The following TENM4 variants were observed in gnomAD, a reference collection of about 807,000 sequenced individuals.
TENM4 encodes the protein teneurin transmembrane protein 4.
In TENM4, 82 loss-of-function variants were observed where a neutral mutation model predicts 243.3. The ratio of observed to expected loss-of-function variants is 0.34; its 90% confidence interval spans 0.28 to 0.40. TENM4 has a LOEUF of 0.40. TENM4 is among the 10% of genes least tolerant of loss of function. The pLI is 1.00. For missense variants in TENM4, 3,138 were observed against 3,673.3 expected (o/e 0.85, Z 3.77); for synonymous variants, 1,412 against 1,456.3 (o/e 0.97, Z 0.69).
At chr11:78,938,829 ATGCAAC>A (rs1158617144) in intron 6 of TENM4, among the ~76,000 whole-genome samples, 2 of 152,162 alleles carry the variant, frequency 1.3e-5, no homozygotes, top group Admixed American at 1.3e-4. Context: ...TGTATACTAA[ATGCAAC>A]TCCAAACAAG....
intron 5 of TENM4, among the ~76,000 whole-genome samples, chr11:79,067,122 G>A (rs930740325): frequency 6.6e-5 from 10 of 152,110 alleles, no homozygotes; most frequent in African/African-American, 2.4e-4. Flanking sequence ...GTTAATGTCC[G>A]CGGACCAGGC....
intron 19 of TENM4, chr11:78,756,280 C>G (rs979483804): frequency 5.9e-6 from 1 of 170,940 alleles, no homozygotes; most frequent in African/African-American, 2.4e-5. Flanking sequence ...GAACTGTGTT[C>G]TGCTCAACTC....
intron 6 of TENM4, among the ~76,000 whole-genome samples, chr11:79,008,747 C>T (rs559146049): frequency 3.9e-5 from 6 of 152,082 alleles, no homozygotes; most frequent in African/African-American, 1.4e-4. Context: ...GGTCCTATTT[C>T]GAATGAGATC....
chr11:79,295,938 C>T (rs892900348), intron 2 of TENM4, among the ~76,000 whole-genome samples: 1 of 151,484 alleles, frequency 6.6e-6, no homozygotes, highest in African/African-American at 2.4e-5. Context: ...CACACTCCCC[C>T]AAAATCCCAT....
chr11:79,408,416 C>T (rs2135567673), intron 1 of TENM4, among the ~76,000 whole-genome samples: 1 of 152,300 alleles, frequency 6.6e-6, no homozygotes, highest in South Asian at 2.1e-4. Context: ...GGGTCGGAAC[C>T]TTGATTTTTC....
chr11:78,795,781 G>C (rs1007295852), intron 15 of TENM4, among the ~76,000 whole-genome samples: 1 of 152,138 alleles, frequency 6.6e-6, no homozygotes, highest in African/African-American at 2.4e-5. Context: ...CACCCACGCT[G>C]TCTCCCTGCC....
chr11:78,851,107 T>A (rs908190575), intron 12 of TENM4, among the ~76,000 whole-genome samples: 6 of 152,190 alleles, frequency 3.9e-5, no homozygotes, highest in Non-Finnish European at 8.8e-5. Flanking sequence ...GAACCATCTG[T>A]AAAGTACTAT....
At chr11:79,204,796 C>T (rs190499676) in intron 3 of TENM4, among the ~76,000 whole-genome samples, 16 of 152,232 alleles carry the variant, frequency 1.1e-4, no homozygotes, top group Non-Finnish European at 1.8e-4. Flanking sequence ...AAAACCTTCA[C>T]GGCAACACGG....
intron 6 of TENM4, among the ~76,000 whole-genome samples, chr11:78,938,492 G>C (rs887898144): frequency 1.1e-4 from 16 of 152,180 alleles, no homozygotes; most frequent in African/African-American, 3.9e-4. Flanking sequence ...ACAAAGTATA[G>C]GCTCCGTGGT....
intron 9 of TENM4, among the ~76,000 whole-genome samples, chr11:78,873,643 T>C (rs1297467098): frequency 6.6e-6 from 1 of 152,210 alleles, no homozygotes; most frequent in East Asian, 1.9e-4. Context: ...GAAACCAACA[T>C]TGCCAATCTC....
chr11:78,956,498 C>A (rs1027553848), intron 6 of TENM4, among the ~76,000 whole-genome samples: 1 of 152,232 alleles, frequency 6.6e-6, no homozygotes, highest in African/African-American at 2.4e-5. Context: ...AGCAGAGCGG[C>A]TAGGCCTTTC....
At chr11:79,404,716 T>C (rs1375309730) in intron 1 of TENM4, among the ~76,000 whole-genome samples, 1 of 152,204 alleles carries the variant, frequency 6.6e-6, no homozygotes, top group Non-Finnish European at 1.5e-5. Flanking sequence ...AGTGTTTATA[T>C]GCACAAATGA....
At chr11:79,323,020 A>C (rs1043877174) in intron 1 of TENM4, among the ~76,000 whole-genome samples, 2 of 152,182 alleles carry the variant, frequency 1.3e-5, no homozygotes, top group Non-Finnish European at 2.9e-5. Context: ...TGGGCCTAAG[A>C]CTCAAAAAGA....
chr11:79,312,358 G>A lies in TENM4; in HGVS notation c.-320-14815C>T, dbSNP rs181873572. Among the ~76,000 whole-genome samples the A allele has an allele frequency of 2.0e-5, 3 of 152,254 alleles. No individual in the cohort carries two copies. In the East Asian group the frequency reaches 5.8e-4, roughly 29 times the overall value. ...GCCTGATTCATAAAAATAATTGCAGGAAAAAACAGGTATATAATGCTTACT... is the reference window on the plus strand; with the variant it reads ...GCCTGATTCATAAAAATAATTGCAGAAAAAAACAGGTATATAATGCTTACT... On this transcript the variant is annotated intron_variant, in intron 1 of 33. Coordinates refer to ENST00000278550, the MANE Select transcript of TENM4 (RefSeq NM_001098816.3).
intron 1 of TENM4, among the ~76,000 whole-genome samples, chr11:79,372,096 T>C (rs1242697176): frequency 6.6e-6 from 1 of 152,164 alleles, no homozygotes; most frequent in Non-Finnish European, 1.5e-5. Flanking sequence ...CTTCATGAGC[T>C]TTTAGAAGGG....
At chr11:79,001,411 G>A (rs1303440423) in intron 6 of TENM4, among the ~76,000 whole-genome samples, 1 of 152,148 alleles carries the variant, frequency 6.6e-6, no homozygotes, top group Non-Finnish European at 1.5e-5. Context: ...CTGGGGAAGG[G>A]TTGGGTTGAA....
intron 1 of TENM4, among the ~76,000 whole-genome samples, chr11:79,330,701 C>A (rs1218567105): frequency 6.6e-6 from 1 of 152,136 alleles, no homozygotes; most frequent in Non-Finnish European, 1.5e-5. Flanking sequence ...CGCAAATTAA[C>A]CCTGTGAAAT....
At chr11:79,226,334 G>C (rs900958016) in intron 2 of TENM4, among the ~76,000 whole-genome samples, 2 of 152,188 alleles carry the variant, frequency 1.3e-5, no homozygotes, top group African/African-American at 4.8e-5. Context: ...GTCCAGAGCT[G>C]CTATATCAGC....
chr11:78,683,607 G>A (rs1043130720), intron 29 of TENM4, among the ~76,000 whole-genome samples: 3 of 139,358 alleles, frequency 2.2e-5, no homozygotes, highest in Non-Finnish European at 4.7e-5. Flanking sequence ...GCGCTTCCCA[G>A]GTGAGGCAAT....
Sources: gnomAD v4.1 joint callset for allele counts (sites outside exome capture counted in the v4.1 genomes callset) on GRCh38, gnomAD v4.1.1 for gene constraint, MANE v1.5 for transcripts, NCBI Gene and HGNC (gene_info 2026-07-23, HGNC 2026-07-21) for gene names.